EEPD1: variants seen among roughly 807,000 people sequenced by gnomAD.
The protein encoded by EEPD1 is endonuclease/exonuclease/phosphatase family domain containing 1, also known as endonuclease/exonuclease/phosphatase family domain-containing protein 1.
EEPD1 carries 17 observed loss-of-function variants against 46.3 expected under a neutral mutation model. The observed-to-expected ratio is 0.37, with a 90% CI of 0.25 to 0.55. EEPD1 has a LOEUF of 0.55. Among genes scored for constraint, EEPD1 ranks in the 20% least tolerant of loss-of-function variants. The pLI is 0.83. For missense variants in EEPD1, 673 were observed against 745.6 expected (o/e 0.90, Z 1.13); for synonymous variants, 313 against 315.6 (o/e 0.99, Z 0.09).
intron 2 of EEPD1, among the ~76,000 whole-genome samples, chr7:36,199,365 C>T (rs1007275687): frequency 1.3e-5 from 2 of 152,116 alleles, no homozygotes; most frequent in Admixed American, 6.5e-5. Context: ...ATTACCTGCC[C>T]CCCCTTTAGA....
At chr7:36,222,731 A>G (rs1379193772) in intron 2 of EEPD1, among the ~76,000 whole-genome samples, 1 of 152,190 alleles carries the variant, frequency 6.6e-6, no homozygotes, top group Non-Finnish European at 1.5e-5. Context: ...CATAGATGGC[A>G]TCTTCTAGCG....
intron 3 of EEPD1, among the ~76,000 whole-genome samples, chr7:36,267,098 A>G (rs1178295148): frequency 6.6e-6 from 1 of 152,030 alleles, no homozygotes; most frequent in African/African-American, 2.4e-5. Flanking sequence ...ATTATCTCCT[A>G]ATTATCTCTG....
intron 2 of EEPD1, among the ~76,000 whole-genome samples, chr7:36,159,180 G>A (rs980882919): frequency 6.6e-6 from 1 of 152,206 alleles, no homozygotes; most frequent in Admixed American, 6.5e-5. Flanking sequence ...TCTGCTGTGT[G>A]CATATATAAG....
intron 2 of EEPD1, among the ~76,000 whole-genome samples, chr7:36,214,707 T>G (rs185021847): frequency 6.6e-6 from 1 of 152,190 alleles, no homozygotes; most frequent in Non-Finnish European, 1.5e-5. Context: ...ACCTTTATCT[T>G]ACTCCAGAAA....
chr7:36,275,059 G>C (rs557557944), intron 3 of EEPD1, among the ~76,000 whole-genome samples: 1 of 152,318 alleles, frequency 6.6e-6, no homozygotes, highest in South Asian at 2.1e-4. Context: ...GAACACACAG[G>C]AAAGTGTTAC....
intron 3 of EEPD1, among the ~76,000 whole-genome samples, chr7:36,265,193 G>A (rs1253606170): frequency 6.6e-6 from 1 of 152,232 alleles, no homozygotes; most frequent in East Asian, 1.9e-4. Flanking sequence ...TCCTAATTCT[G>A]TTTAATGTGA....
chr7:36,165,811 A>G (rs1210624863), intron 2 of EEPD1, among the ~76,000 whole-genome samples: 1 of 151,938 alleles, frequency 6.6e-6, no homozygotes, highest in Non-Finnish European at 1.5e-5. Context: ...CAAGAATTTG[A>G]CTCATAAATT....
At chr7:36,183,888 T>TTTTTTTTTTTTTTTGTTTTTTTTTTTTG in intron 2 of EEPD1, among the ~76,000 whole-genome samples, 1 of 135,490 alleles carries the variant, frequency 7.4e-6, no homozygotes, top group African/African-American at 2.6e-5. Flanking sequence ...TTTTTTTTTT[T>TTTTTTTTTTTTTTTGTTTTTTTTTTTTG]ATTTTTAAAA....
chr7:36,287,018 G>GATCACTTGAGGTCAGGAGC (rs1294001216), intron 5 of EEPD1, among the ~76,000 whole-genome samples: 3 of 152,010 alleles, frequency 2.0e-5, no homozygotes, highest in African/African-American at 7.2e-5. Flanking sequence ...AGGGCAGGAG[G>GATCACTTGAGGTCAGGAGC]ATCACTTGAG....
chr7:36,184,616 GTTCT>G (rs1226910369), intron 2 of EEPD1, among the ~76,000 whole-genome samples: 3 of 152,194 alleles, frequency 2.0e-5, no homozygotes, highest in African/African-American at 7.2e-5. Context: ...TCTCCTTACA[GTTCT>G]TTCGTAACTA....
Position 36,259,378 on chromosome 7 carries a change from T to C in EEPD1, c.930+20342T>C, listed in dbSNP as rs149075747. ...TACTCTATTTCAGACTTGTGCTCAC[T>C]TAATTTTAGTAAGATATAGAAACGT... On this transcript the variant is annotated intron_variant, in intron 3 of 7. Coordinates refer to ENST00000242108, the MANE Select transcript of EEPD1 (RefSeq NM_030636.3). Among the ~76,000 whole-genome samples, 53 of 152,372 alleles carry C rather than the reference T, an allele frequency of 3.5e-4. 1 individual carries two copies. Among genetic ancestry groups the C allele is most frequent in the Middle Eastern group, 6.8e-3 (2 of 294 alleles).
intron 3 of EEPD1, among the ~76,000 whole-genome samples, chr7:36,247,711 C>G (rs1389678604): frequency 6.6e-6 from 1 of 152,206 alleles, no homozygotes; most frequent in Non-Finnish European, 1.5e-5. Flanking sequence ...CTCCATTTCC[C>G]AGCTCCTTTA....
chr7:36,216,351 A>G (rs1786030109), intron 2 of EEPD1, among the ~76,000 whole-genome samples: 1 of 152,196 alleles, frequency 6.6e-6, no homozygotes, highest in African/African-American at 2.4e-5. Context: ...ACAATTGGCA[A>G]TCGTCAGTAA....
In EEPD1 at chr7:36,154,350, G is replaced by C. The variant is rs756097652; in HGVS notation, c.26G>C (p.Arg9Pro). ...ATGGGGAGCACCCTGGGCTGCCACC[G>C]CTCCATCCCCAGGGACCCCTCGGAC... MGSTLGCH[R>P]SIPRDPSDLS... The change falls in exon 2 of 8, where the codon CGC (arginine) becomes CCC (proline). Residue 9 changes from arginine to proline, a missense_variant. Arg to Pro is a moderately radical substitution (Grantham distance 103). Coordinates refer to ENST00000242108, the MANE Select transcript of EEPD1 (RefSeq NM_030636.3). The surrounding 1 kb of genome is among the most constrained non-coding windows in gnomAD (Gnocchi z 4.2). The C allele has an allele frequency of 1.9e-6, 3 of 1,611,794 alleles. No individual in the cohort carries two copies. The highest frequency in any genetic ancestry group is 2.5e-6 in the Non-Finnish European group (3 of 1,179,904).
At chr7:36,294,081 A>G (rs1251488034) in intron 6 of EEPD1, among the ~76,000 whole-genome samples, 1 of 152,200 alleles carries the variant, frequency 6.6e-6, no homozygotes, top group Non-Finnish European at 1.5e-5. Flanking sequence ...AGTGAAAATA[A>G]CTATGTAAGT....
intron 2 of EEPD1, among the ~76,000 whole-genome samples, chr7:36,205,515 CCT>C (rs1785798221): frequency 6.6e-6 from 1 of 152,086 alleles, no homozygotes. Flanking sequence ...GTATTTCTGG[CCT>C]CTCTGGAGCT....
rs567838583 is a variant in EEPD1 at position 36,219,507 on chromosome 7, G to C, written c.879-19478G>C. Among the ~76,000 whole-genome samples the C allele has an allele frequency of 5.4e-5, 8 of 149,230 alleles. No homozygotes were observed. In the South Asian group the frequency reaches 8.7e-4, roughly 16 times the overall value. On this transcript the variant is annotated intron_variant, in intron 2 of 7. Transcript: ENST00000242108. Reference sequence around the variant, plus strand: ...TTAGCAAGACCCTATTTCAAAGAAGGAAGGAAGGAAGGAAAGAAAGGAAAG... The same window carrying C: ...TTAGCAAGACCCTATTTCAAAGAAGCAAGGAAGGAAGGAAAGAAAGGAAAG...
Position 36,298,161 on chromosome 7 carries a change from C to A in EEPD1, c.1511-846C>A, listed in dbSNP as rs112123903. ...GGAGAATGACAATTGTCAAACTAGC[C>A]TCGGTTTGCAGAAATGCGCTATGGG... On this transcript the variant is annotated intron_variant, in intron 7 of 7. Coordinates refer to ENST00000242108, the MANE Select transcript of EEPD1 (RefSeq NM_030636.3). Among the ~76,000 whole-genome samples, 504 of 152,338 alleles carry A rather than the reference C, an allele frequency of 3.3e-3. 2 individuals are homozygous for A. The highest frequency in any genetic ancestry group is 0.011 in the African/African-American group (468 of 41,578).
chr7:36,171,448 G>C (rs764922291), intron 2 of EEPD1, among the ~76,000 whole-genome samples: 3 of 152,174 alleles, frequency 2.0e-5, no homozygotes, highest in Non-Finnish European at 4.4e-5. Flanking sequence ...CAGTAAGTCA[G>C]ACTTTATCAG....
Sources: gnomAD v4.1 joint callset for allele counts (sites outside exome capture counted in the v4.1 genomes callset) on GRCh38, gnomAD v4.1.1 for gene constraint, Gnocchi (gnomAD v3.1) non-coding constraint, MANE v1.5 for transcripts, NCBI Gene and HGNC (gene_info 2026-07-23, HGNC 2026-07-21) for gene names.